Variants in SEMA5A observed in about 807,000 individuals in gnomAD.
SEMA5A encodes the protein semaphorin-5A.
SEMA5A carries 55 observed loss-of-function variants against 135.5 expected under a neutral mutation model. The observed-to-expected ratio is 0.41, with a 90% CI of 0.33 to 0.51. SEMA5A has a LOEUF of 0.51. Among genes scored for constraint, SEMA5A ranks in the 20% least tolerant of loss-of-function variants. The probability of loss-of-function intolerance (pLI) is 0.37; values close to 1 mark genes in which losing one functional copy is unlikely to be tolerated. For synonymous variants in SEMA5A, 580 were observed against 546.5 expected (o/e 1.06, Z -0.85); for missense variants, 1,290 against 1,419.9 (o/e 0.91, Z 1.47).
At chr5:9,194,214 G>A (rs758545191) in intron 10 of SEMA5A, among the ~76,000 whole-genome samples, 2 of 152,204 alleles carry the variant, frequency 1.3e-5, no homozygotes, top group East Asian at 3.8e-4. Flanking sequence ...GCAGGGCTCT[G>A]AAGCACCGCC....
At chr5:9,045,159 C>A (rs537383690) in intron 21 of SEMA5A, among the ~76,000 whole-genome samples, 53 of 152,210 alleles carry the variant, frequency 3.5e-4, no homozygotes, top group African/African-American at 1.2e-3. Flanking sequence ...TAATACTCTA[C>A]CAGAAGCATG....
intron 4 of SEMA5A, among the ~76,000 whole-genome samples, chr5:9,335,995 T>TA (rs563519278): frequency 4.7e-4 from 68 of 145,852 alleles, no homozygotes; most frequent in East Asian, 2.2e-3. Flanking sequence ...TAAGTGCAGT[T>TA]AAAAAAAAAA....
At chr5:9,274,350 G>C (rs536378577) in intron 5 of SEMA5A, among the ~76,000 whole-genome samples, 2 of 152,114 alleles carry the variant, frequency 1.3e-5, no homozygotes, top group South Asian at 2.1e-4. Context: ...AGTTCTTAGA[G>C]ACCTACAAAG....
intron 5 of SEMA5A, among the ~76,000 whole-genome samples, chr5:9,252,998 T>C (rs1748881816): frequency 1.3e-5 from 2 of 152,186 alleles, no homozygotes; most frequent in South Asian, 2.1e-4. Flanking sequence ...TCTCCTCTAA[T>C]TGGAGTATCC....
intron 1 of SEMA5A, among the ~76,000 whole-genome samples, chr5:9,462,641 A>G (rs925506132): frequency 3.9e-5 from 6 of 152,246 alleles, no homozygotes; most frequent in Non-Finnish European, 5.9e-5. Flanking sequence ...AATACTATGC[A>G]GCCATTAAAA....
intron 12 of SEMA5A, among the ~76,000 whole-genome samples, chr5:9,142,201 C>T (rs531935168): frequency 7.9e-5 from 12 of 152,314 alleles, no homozygotes; most frequent in Admixed American, 5.2e-4. Context: ...ATCCCCACTT[C>T]GATGGGTGGG....
At chr5:9,217,174 G>A (rs1336445288) in intron 8 of SEMA5A, among the ~76,000 whole-genome samples, 2 of 152,158 alleles carry the variant, frequency 1.3e-5, no homozygotes, top group Non-Finnish European at 2.9e-5. Context: ...GGCAAGTTTG[G>A]TGGTTAACAA....
chr5:9,306,411 T>C (rs6555600), intron 5 of SEMA5A, among the ~76,000 whole-genome samples: 6,597 of 152,274 alleles, frequency 0.043, 162 homozygotes, highest in Admixed American at 0.052. Context: ...TTTTCTGCTA[T>C]GTCTAATCTG....
intron 1 of SEMA5A, among the ~76,000 whole-genome samples, chr5:9,460,725 G>C (rs1489188522): frequency 1.3e-5 from 2 of 151,878 alleles, no homozygotes; most frequent in African/African-American, 2.4e-5. Flanking sequence ...AGATATTAAG[G>C]GATTGCTATC....
chr5:9,304,737 C>G lies in SEMA5A; in HGVS notation c.270+13635G>C, dbSNP rs138601122. ...CAACATAGATGCATGCTCCCTCCCC[C>G]ACTTTCTCAGTATTGATTTATGATG... On this transcript the variant is annotated intron_variant, in intron 5 of 22. Coordinates refer to ENST00000382496, the MANE Select transcript of SEMA5A (RefSeq NM_003966.3). 4.6e-3 allele frequency among the ~76,000 whole-genome samples: 705 copies of G among 152,264 alleles called. 10 individuals are homozygous for G. Among genetic ancestry groups the G allele is most frequent in the African/African-American group, 0.016 (665 of 41,558 alleles).
chr5:9,510,875 G>T (rs944863237), intron 1 of SEMA5A, among the ~76,000 whole-genome samples: 1 of 152,154 alleles, frequency 6.6e-6, no homozygotes, highest in Non-Finnish European at 1.5e-5. Context: ...CAAGTTTGGA[G>T]CATATTTTTG....
intron 3 of SEMA5A, among the ~76,000 whole-genome samples, chr5:9,363,736 T>C (rs187879300): frequency 6.6e-6 from 1 of 152,318 alleles, no homozygotes; most frequent in Admixed American, 6.5e-5. Flanking sequence ...GATGGAATAT[T>C]ATCCAACTAT....
At chr5:9,144,880 T>C (rs1330449862) in intron 12 of SEMA5A, among the ~76,000 whole-genome samples, 1 of 152,144 alleles carries the variant, frequency 6.6e-6, no homozygotes, top group African/African-American at 2.4e-5. Flanking sequence ...AGAAGAATCC[T>C]CCTCTCAGAC....
Position 9,035,959 on chromosome 5 carries a change from C to CACA in SEMA5A, c.*6937_*6938insTGT. 8.8e-6 allele frequency: 1 copy of CACA among 113,362 alleles called. No homozygotes were observed. The highest frequency in any genetic ancestry group is 2.6e-4 in the East Asian group (1 of 3,792). 7.0% of individuals were successfully genotyped at this position (113,362 alleles called of 1,614,324 possible). A position where few individuals can be genotyped will look rare whatever the true frequency, so the allele number is the denominator to read the frequency against. ...TGAAATTGGCTTTGGAGGAGTTTCA[C>CACA]AAAAAAAAAAAAAAAAAAAAATCTC... On this transcript the variant is annotated 3_prime_UTR_variant, in exon 23 of 23. Coordinates refer to ENST00000382496, the MANE Select transcript of SEMA5A (RefSeq NM_003966.3).
At chr5:9,149,568 C>T (rs944443267) in intron 12 of SEMA5A, among the ~76,000 whole-genome samples, 2 of 152,182 alleles carry the variant, frequency 1.3e-5, no homozygotes, top group Non-Finnish European at 2.9e-5. Flanking sequence ...AACTTGAACT[C>T]GGAAGATGGA....
At position 9,270,315 on chromosome 5, in the gene SEMA5A, AT is replaced by A. The variant is rs199508900; in HGVS notation, c.271-32426del. 6.8e-4 allele frequency among the ~76,000 whole-genome samples: 103 copies of A among 151,558 alleles called. 1 individual carries two copies. Among genetic ancestry groups the A allele is most frequent in the Non-Finnish European group, 6.8e-4 (46 of 67,868 alleles). On this transcript the variant is annotated intron_variant, in intron 5 of 22. Coordinates refer to ENST00000382496, the MANE Select transcript of SEMA5A (RefSeq NM_003966.3). ...ATCCATGCACCTCTTGTCTTTGCTA[AT>A]TTTTTTTTCCTTCACTGTAATAAAT...
intron 16 of SEMA5A, among the ~76,000 whole-genome samples, chr5:9,082,446 TCTC>T (rs752510392): frequency 6.6e-6 from 1 of 152,174 alleles, no homozygotes; most frequent in Non-Finnish European, 1.5e-5. Flanking sequence ...ACAATTTTCT[TCTC>T]TGAGTTCACT....
At position 9,294,012 on chromosome 5, in the gene SEMA5A, T is replaced by C. The variant is rs186789377; in HGVS notation, c.270+24360A>G. On this transcript the variant is annotated intron_variant, in intron 5 of 22. Coordinates refer to ENST00000382496, the MANE Select transcript of SEMA5A (RefSeq NM_003966.3). ...CACAGGGTAGTCCCTCTGCCAATAG[T>C]GGTATAAGTGAATTGAAAACACATT... Among the ~76,000 whole-genome samples the C allele has an allele frequency of 2.6e-5, 4 of 152,286 alleles. No homozygotes were observed. In the East Asian group the frequency reaches 7.7e-4, roughly 29 times the overall value.
chr5:9,383,375 C>T (rs531560147), intron 2 of SEMA5A, among the ~76,000 whole-genome samples: 1 of 152,310 alleles, frequency 6.6e-6, no homozygotes, highest in East Asian at 1.9e-4. Context: ...GCACCCATAT[C>T]AGTTCGGGTA....
Sources: allele counts gnomAD v4.1 joint callset (sites outside exome capture counted in the v4.1 genomes callset), GRCh38; gene constraint gnomAD v4.1.1; transcripts MANE v1.5; gene names NCBI Gene and HGNC (gene_info 2026-07-23, HGNC 2026-07-21).